DYNC2I1: variants seen among roughly 807,000 people sequenced by gnomAD.
DYNC2I1 encodes the protein dynein 2 intermediate chain 1.
A neutral mutation model predicts 133.4 loss-of-function variants in DYNC2I1; 89 were observed. The observed-to-expected ratio is 0.67, with a 90% confidence interval of 0.56 to 0.80. The LOEUF (loss-of-function observed/expected upper bound fraction) is 0.80. Among genes scored for constraint, DYNC2I1 ranks in the 30% least tolerant of loss-of-function variants. The pLI, the probability that DYNC2I1 is intolerant of heterozygous loss-of-function variation, is 0.00. For missense variants in DYNC2I1, 1,291 were observed against 1,314.5 expected (o/e 0.98, Z 0.28); for synonymous variants, 504 against 484.3 (o/e 1.04, Z -0.54).
chr7:158,895,085 TC>T (rs1845638645), intron 8 of DYNC2I1, among the ~76,000 whole-genome samples: 1 of 152,262 alleles, frequency 6.6e-6, no homozygotes, highest in African/African-American at 2.4e-5. Flanking sequence ...GCAAATATTT[TC>T]TCTCAGTCTG....
intron 21 of DYNC2I1, 134 bp from the exon 22 acceptor site, chr7:158,933,995 G>A: frequency 1.6e-6 from 1 of 643,356 alleles, no homozygotes; most frequent in East Asian, 2.9e-5. Context: ...GAAACAGAGT[G>A]GCTAAACCCA....
chr7:158,939,601 C>T (rs1391913302), intron 23 of DYNC2I1, among the ~76,000 whole-genome samples: 1 of 152,120 alleles, frequency 6.6e-6, no homozygotes, highest in Non-Finnish European at 1.5e-5. Flanking sequence ...AACAAAATGG[C>T]AGTAGAATGT....
chr7:158,891,153 G>A, intron 7 of DYNC2I1, 112 bp from the exon 8 acceptor site: 1 of 1,172,010 alleles, frequency 8.5e-7, no homozygotes, highest in Non-Finnish European at 1.3e-6. Flanking sequence ...CTGTGCACCT[G>A]TTTGCTGAGG....
At chr7:158,910,794 G>T (rs1286573576) in intron 11 of DYNC2I1, among the ~76,000 whole-genome samples, 1 of 151,170 alleles carries the variant, frequency 6.6e-6, no homozygotes, top group Non-Finnish European at 1.5e-5. Flanking sequence ...GCCTGTGTGC[G>T]CAGGGCGATT....
intron 1 of DYNC2I1, among the ~76,000 whole-genome samples, chr7:158,866,218 C>T (rs1197080798): frequency 1.3e-5 from 2 of 152,012 alleles, no homozygotes; most frequent in Non-Finnish European, 2.9e-5. Context: ...CCCCTGTGTG[C>T]AGCGCCCACG....
At chr7:158,880,266 G>A (rs1843867904) in intron 5 of DYNC2I1, among the ~76,000 whole-genome samples, 1 of 152,218 alleles carries the variant, frequency 6.6e-6, no homozygotes, top group Admixed American at 6.5e-5. Context: ...GCCAGGCGCG[G>A]TGGCTCATGC....
At chr7:158,906,721 G>T (rs1333733381) in intron 11 of DYNC2I1, among the ~76,000 whole-genome samples, 1 of 152,186 alleles carries the variant, frequency 6.6e-6, no homozygotes, top group Non-Finnish European at 1.5e-5. Flanking sequence ...GCCTCCCAAA[G>T]TGCTGGGATT....
chr7:158,917,088 C>T (rs1449665191), intron 14 of DYNC2I1, among the ~76,000 whole-genome samples: 4 of 96,942 alleles, frequency 4.1e-5, no homozygotes, highest in Non-Finnish European at 8.8e-5. Flanking sequence ...TGTGAAACGT[C>T]TACACGCTGG....
intron 11 of DYNC2I1, among the ~76,000 whole-genome samples, chr7:158,911,168 GGT>G (rs1847429857): frequency 6.6e-6 from 1 of 152,220 alleles, no homozygotes; most frequent in African/African-American, 2.4e-5. Flanking sequence ...CCATGGTGCA[GGT>G]GATTGCATAG....
chr7:158,941,816 G>A (rs1429657655), intron 23 of DYNC2I1, 109 bp from the exon 24 acceptor site: 2 of 1,308,532 alleles, frequency 1.5e-6, no homozygotes, highest in East Asian at 5.0e-5. Context: ...AGGTCAAGCT[G>A]CCATGAGCTG....
chr7:158,871,396 T>C lies in DYNC2I1; in HGVS notation c.324T>C (p.His108=), dbSNP rs191864940. 4.3e-4 allele frequency: 663 copies of C among 1,551,068 alleles called. 1 individual carries two copies. Among genetic ancestry groups the C allele is most frequent in the Non-Finnish European group, 5.3e-4 (604 of 1,146,892 alleles). ...DREKEKLKEK[H]REAEKSHSRG... ...AGAAAGAAAAGCTGAAGGAGAAACATCGAGAGGCAGAAAAGTCTCACAGCA... is the reference window on the plus strand; with the variant it reads ...AGAAAGAAAAGCTGAAGGAGAAACACCGAGAGGCAGAAAAGTCTCACAGCA... The change falls in exon 3 of 25, where the codon CAT becomes CAC. Residue 108 remains histidine (H), a synonymous_variant. Transcript: ENST00000407559.
rs60049654 is a variant in DYNC2I1, at chr7:158,867,321, G to GT, written c.16-2532dup. Among the ~76,000 whole-genome samples, 722 of 152,272 alleles carry GT rather than the reference G, an allele frequency of 4.7e-3. 6 individuals are homozygous for GT. Among genetic ancestry groups the GT allele is most frequent in the African/African-American group, 0.016 (676 of 41,564 alleles). ...CCGGGGTTGTAGGGCTGTACCCTGTGTTGTTGGAGTGTGTTACTGTGGCAT... is the reference window on the plus strand; with the variant it reads ...CCGGGGTTGTAGGGCTGTACCCTGTGTTTGTTGGAGTGTGTTACTGTGGCAT... On this transcript the variant is annotated intron_variant, in intron 1 of 24. Coordinates refer to ENST00000407559, the MANE Select transcript of DYNC2I1 (RefSeq NM_018051.5).
intron 5 of DYNC2I1, among the ~76,000 whole-genome samples, chr7:158,883,765 G>A (rs112811207): frequency 7.1e-6 from 1 of 139,868 alleles, no homozygotes; most frequent in South Asian, 2.4e-4. Context: ...CCGGGTTCAC[G>A]CCATTCTCCT....
At chr7:158,914,570 A>T (rs1361184081) in intron 14 of DYNC2I1, among the ~76,000 whole-genome samples, 1 of 152,222 alleles carries the variant, frequency 6.6e-6, no homozygotes, top group Admixed American at 6.5e-5. Context: ...TGTGAATTTT[A>T]TTATTAATTT....
At chr7:158,908,000 T>G (rs1389235341) in intron 11 of DYNC2I1, among the ~76,000 whole-genome samples, 1 of 152,118 alleles carries the variant, frequency 6.6e-6, no homozygotes, top group Non-Finnish European at 1.5e-5. Context: ...ATATGGATTA[T>G]TTTGGATCAA....
intron 20 of DYNC2I1, among the ~76,000 whole-genome samples, chr7:158,930,153 A>G (rs1320856956): frequency 6.6e-6 from 1 of 152,200 alleles, no homozygotes; most frequent in Non-Finnish European, 1.5e-5. Context: ...ACACTCGTAC[A>G]CATGTATGGT....
chr7:158,929,447 GGCCAGAAAGGCT>G (rs893344736), intron 20 of DYNC2I1, among the ~76,000 whole-genome samples: 7 of 150,442 alleles, frequency 4.7e-5, no homozygotes, highest in South Asian at 2.1e-4. Flanking sequence ...GAAAGGGCCT[GGCCAGAAAGGCT>G]GCCTGTGGGC....
In DYNC2I1 at chr7:158,945,813, G is replaced by T; in HGVS notation, c.*34G>T. 6.7e-7 allele frequency: 1 copy of T among 1,482,722 alleles called. No homozygotes were observed. The highest frequency in any genetic ancestry group is 1.4e-5 in the South Asian group (1 of 70,712). 91.8% of individuals were successfully genotyped at this position (1,482,722 alleles called of 1,614,324 possible). A position where few individuals can be genotyped will look rare whatever the true frequency, so the allele number is the denominator to read the frequency against. On this transcript the variant is annotated 3_prime_UTR_variant, in exon 25 of 25. Coordinates refer to ENST00000407559, the MANE Select transcript of DYNC2I1 (RefSeq NM_018051.5). The surrounding 1 kb of genome is among the most constrained non-coding windows in gnomAD (Gnocchi z 4.1). ...GCTGAGAGGACCGCGTTTCTGTAAT[G>T]ACCCAGATTTAAAAGACATAAGGTG...
intron 11 of DYNC2I1, among the ~76,000 whole-genome samples, chr7:158,909,926 C>T (rs1847224485): frequency 6.6e-6 from 1 of 152,010 alleles, no homozygotes; most frequent in African/African-American, 2.4e-5. Context: ...GGAAGCAGGG[C>T]AGACCTGGAG....
Sources: gnomAD v4.1 joint callset for allele counts (sites outside exome capture counted in the v4.1 genomes callset) on GRCh38, gnomAD v4.1.1 for gene constraint, Gnocchi (gnomAD v3.1) non-coding constraint, MANE v1.5 for transcripts, NCBI Gene and HGNC (gene_info 2026-07-23, HGNC 2026-07-21) for gene names.